Variants in PRTFDC1 observed in about 807,000 individuals in gnomAD.
The protein encoded by PRTFDC1 is phosphoribosyl transferase domain containing 1, also known as phosphoribosyltransferase domain-containing protein 1.
PRTFDC1 carries 38 observed loss-of-function variants against 34.6 expected under a neutral mutation model. The ratio of observed to expected loss-of-function variants is 1.10; its 90% CI spans 0.85 to 1.44. PRTFDC1 has a LOEUF of 1.44. Among genes scored for constraint, PRTFDC1 ranks in the 40% most tolerant of loss-of-function variants. PRTFDC1 has a pLI of 0.00. For missense variants in PRTFDC1, 270 were observed against 283.0 expected (o/e 0.95, Z 0.33); for synonymous variants, 93 against 98.1 (o/e 0.95, Z 0.31).
chr10:24,857,646 G>T (rs562506037), intron 5 of PRTFDC1, among the ~76,000 whole-genome samples: 337 of 152,306 alleles, frequency 2.2e-3, no homozygotes, highest in South Asian at 0.021. Context: ...TGTAGCCAGG[G>T]TTGGGCAATT....
chr10:24,907,973 G>C (rs564674344), intron 3 of PRTFDC1, among the ~76,000 whole-genome samples: 2 of 152,290 alleles, frequency 1.3e-5, no homozygotes, highest in African/African-American at 4.8e-5. Flanking sequence ...TGTCCTAAGA[G>C]TTTGATTTTC....
At chr10:24,930,623 G>A (rs999947174) in intron 3 of PRTFDC1, among the ~76,000 whole-genome samples, 1 of 152,016 alleles carries the variant, frequency 6.6e-6, no homozygotes, top group Non-Finnish European at 1.5e-5. Context: ...ACACTCCAGT[G>A]GTCACAGTCT....
intron 3 of PRTFDC1, among the ~76,000 whole-genome samples, chr10:24,906,719 C>T (rs757203629): frequency 1.4e-4 from 22 of 152,196 alleles, no homozygotes; most frequent in Non-Finnish European, 2.9e-4. Flanking sequence ...TATAAGACCT[C>T]ATTTCACAGG....
At chr10:24,871,035 G>A (rs1322261421) in intron 4 of PRTFDC1, among the ~76,000 whole-genome samples, 1 of 134,274 alleles carries the variant, frequency 7.4e-6, no homozygotes, top group South Asian at 2.3e-4. Context: ...TCACGCCAGT[G>A]CACTCCAACC....
intron 3 of PRTFDC1, among the ~76,000 whole-genome samples, chr10:24,921,417 A>G (rs910482793): frequency 6.6e-6 from 1 of 152,170 alleles, no homozygotes; most frequent in Admixed American, 6.5e-5. Flanking sequence ...GTCCTTCAAC[A>G]GGGACTCCTG....
intron 3 of PRTFDC1, among the ~76,000 whole-genome samples, chr10:24,886,330 T>C (rs1167064077): frequency 6.6e-6 from 1 of 152,096 alleles, no homozygotes; most frequent in African/African-American, 2.4e-5. Flanking sequence ...AAGGAACAGG[T>C]ACTGTTATCA....
intron 3 of PRTFDC1, among the ~76,000 whole-genome samples, chr10:24,884,090 C>G (rs1226969127): frequency 6.6e-6 from 1 of 151,658 alleles, no homozygotes; most frequent in Admixed American, 6.6e-5. Flanking sequence ...CCTCGGCCTC[C>G]CAAAGTGCTG....
chr10:24,937,388 A>G lies in PRTFDC1; in HGVS notation c.156-21T>C, dbSNP rs201484040. On this transcript the variant is annotated intron_variant, in intron 2 of 8. Coordinates refer to ENST00000320152, the MANE Select transcript of PRTFDC1 (RefSeq NM_020200.7). ...CAATTCTGAAAGAAGGATAAAAGAT[A>G]TATTAAGGCACAACTACTTCTGAGT... 606 of 1,590,624 alleles carry G rather than the reference A, an allele frequency of 3.8e-4. 3 individuals carry two copies. The highest frequency in any genetic ancestry group is 1.5e-3 in the South Asian group (134 of 87,878).
chr10:24,937,253 CT>C lies in PRTFDC1; in HGVS notation c.269del (p.Lys90ArgfsTer13), dbSNP rs1245956340. 12 of 1,613,946 alleles carry C rather than the reference CT, an allele frequency of 7.4e-6. No homozygotes were observed. The Admixed American group carries it at 1.5e-4, about 20-fold the overall frequency. The part of the protein sequence containing the change: ...KFCADLVEHL[K>X]NISRNSDRFV... Reference sequence around the variant, plus strand: ...ATCGATCTGAATTTCGGCTGATGTTCTTAAGGTGTTCTACGAGATCAGCACA... The same window carrying C: ...ATCGATCTGAATTTCGGCTGATGTTCTAAGGTGTTCTACGAGATCAGCACA... On this transcript the variant is annotated frameshift_variant, in exon 3 of 9. Coordinates refer to ENST00000320152, the MANE Select transcript of PRTFDC1 (RefSeq NM_020200.7). LOFTEE classifies it high-confidence loss of function.
At chr10:24,862,657 A>G (rs922308195) in intron 4 of PRTFDC1, among the ~76,000 whole-genome samples, 7 of 151,812 alleles carry the variant, frequency 4.6e-5, no homozygotes, top group Non-Finnish European at 8.8e-5. Context: ...ATTGCACCTT[A>G]CAGAGACTGT....
chr10:24,942,979 T>C (rs551657077), intron 1 of PRTFDC1, among the ~76,000 whole-genome samples: 1 of 151,946 alleles, frequency 6.6e-6, no homozygotes, highest in South Asian at 2.1e-4. Context: ...AGTCAGTGTT[T>C]TATAGCTAAC....
chr10:24,913,328 T>C (rs1462097828), intron 3 of PRTFDC1, among the ~76,000 whole-genome samples: 5 of 152,232 alleles, frequency 3.3e-5, no homozygotes, highest in African/African-American at 9.6e-5. Flanking sequence ...AGGTTCTTAC[T>C]GTTCTTTTAG....
In PRTFDC1 at chr10:24,881,186, C is replaced by G. The variant is rs540277306; in HGVS notation, c.340-9123G>C. ...GGCCTCAAGCGATCTCCCACTTCAG[C>G]CCCCCAAGTAGCTGGGACTACAGAT... On this transcript the variant is annotated intron_variant, in intron 3 of 8. Transcript: ENST00000320152. Among the ~76,000 whole-genome samples, 4 of 151,910 alleles carry G rather than the reference C, an allele frequency of 2.6e-5. No homozygotes were observed. The South Asian group carries it at 6.3e-4, about 24-fold the overall frequency.
intron 7 of PRTFDC1, 80 bp downstream of exon 7, chr10:24,855,238 C>T: frequency 7.0e-7 from 1 of 1,432,386 alleles, no homozygotes; most frequent in East Asian, 2.3e-5. Context: ...AATAGGAAAC[C>T]AAAGATTCTT....
chr10:24,892,160 T>G (rs1165632295), intron 3 of PRTFDC1, among the ~76,000 whole-genome samples: 1 of 151,228 alleles, frequency 6.6e-6, no homozygotes, highest in Non-Finnish European at 1.5e-5. Context: ...GTAGTTCTAT[T>G]TTTTTTTTAA....
At chr10:24,943,429 G>A (rs186950148) in intron 1 of PRTFDC1, among the ~76,000 whole-genome samples, 58 of 152,238 alleles carry the variant, frequency 3.8e-4, no homozygotes, top group African/African-American at 1.3e-3. Flanking sequence ...AAGAGGTGGG[G>A]GAGAAATGGA....
chr10:24,932,287 T>C (rs1468093877), intron 3 of PRTFDC1, among the ~76,000 whole-genome samples: 1 of 151,906 alleles, frequency 6.6e-6, no homozygotes. Flanking sequence ...CAGGAGTGTA[T>C]AGGAGGTCCT....
intron 6 of PRTFDC1, among the ~76,000 whole-genome samples, chr10:24,856,166 G>T (rs546978173): frequency 1.3e-5 from 2 of 149,506 alleles, no homozygotes; most frequent in Non-Finnish European, 3.0e-5. Context: ...CTACTCAGGA[G>T]GCTGAGGTGG....
chr10:24,856,244 G>T (rs552182214), intron 6 of PRTFDC1, among the ~76,000 whole-genome samples: 2 of 151,470 alleles, frequency 1.3e-5, no homozygotes, highest in East Asian at 3.9e-4. Context: ...CCTCCAGCTT[G>T]GGCTGGGCGA....
Sources: allele counts gnomAD v4.1 joint callset (sites outside exome capture counted in the v4.1 genomes callset), GRCh38; gene constraint gnomAD v4.1.1; transcripts MANE v1.5; gene names NCBI Gene and HGNC (gene_info 2026-07-23, HGNC 2026-07-21).